PARP11: variants seen among roughly 807,000 people sequenced by gnomAD.
PARP11 encodes the protein poly(ADP-ribose) polymerase family member 11, also known as protein mono-ADP-ribosyltransferase PARP11.
A neutral mutation model predicts 42.9 loss-of-function variants in PARP11; 31 were observed. The observed-to-expected ratio is 0.72, with a 90% CI of 0.54 to 0.98. PARP11 has a LOEUF of 0.98. Among genes scored for constraint, PARP11 ranks in the 50% least tolerant of loss-of-function variants. The pLI is 0.00. For synonymous variants in PARP11, 137 were observed against 127.3 expected (o/e 1.08, Z -0.51); for missense variants, 365 against 413.1 (o/e 0.88, Z 1.01).
intron 1 of PARP11, among the ~76,000 whole-genome samples, chr12:3,851,751 G>C (rs1327902323): frequency 6.6e-6 from 1 of 152,224 alleles, no homozygotes; most frequent in Non-Finnish European, 1.5e-5. Flanking sequence ...GCTCAGAAGA[G>C]AGCAGTGGTT....
At chr12:3,869,904 A>G (rs1228971635) in intron 1 of PARP11, among the ~76,000 whole-genome samples, 1 of 152,212 alleles carries the variant, frequency 6.6e-6, no homozygotes, top group Non-Finnish European at 1.5e-5. Context: ...TGCTCAATAA[A>G]TAAGTGAGTG....
chr12:3,830,274 A>T (rs910266817), intron 1 of PARP11, among the ~76,000 whole-genome samples: 1 of 152,188 alleles, frequency 6.6e-6, no homozygotes, highest in African/African-American at 2.4e-5. Context: ...CCATTTAAGT[A>T]AGCTATATCA....
chr12:3,847,010 A>G (rs937425454), intron 1 of PARP11, among the ~76,000 whole-genome samples: 1 of 149,882 alleles, frequency 6.7e-6, no homozygotes, highest in African/African-American at 2.5e-5. Context: ...TCTGGCAGTT[A>G]AAGCTACAGT....
chr12:3,825,666 G>C (rs1325213986), intron 4 of PARP11, among the ~76,000 whole-genome samples: 2 of 152,134 alleles, frequency 1.3e-5, no homozygotes, highest in African/African-American at 2.4e-5. Context: ...GAAGCACTTA[G>C]AGTAAATAAT....
At chr12:3,842,199 G>T in intron 1 of PARP11, 1 of 1,608,146 alleles carries the variant, frequency 6.2e-7, no homozygotes, top group Non-Finnish European at 8.5e-7. Flanking sequence ...CAGCCCTGGG[G>T]CCAACTCTGT....
chr12:3,871,230 G>A (rs1181837450), intron 1 of PARP11, among the ~76,000 whole-genome samples: 1 of 152,136 alleles, frequency 6.6e-6, no homozygotes, highest in East Asian at 1.9e-4. Context: ...GGAAATTAGG[G>A]GTTATTAAAG....
At chr12:3,837,710 C>A (rs1947797068) in intron 1 of PARP11, among the ~76,000 whole-genome samples, 1 of 149,282 alleles carries the variant, frequency 6.7e-6, no homozygotes, top group Non-Finnish European at 1.5e-5. Context: ...CTACAAGAAA[C>A]CGACCTCACC....
chr12:3,815,705 G>A (rs1452744754), intron 6 of PARP11, among the ~76,000 whole-genome samples: 1 of 152,046 alleles, frequency 6.6e-6, no homozygotes, highest in Non-Finnish European at 1.5e-5. Flanking sequence ...GTGTGTAGTC[G>A]GTTAAAACTC....
chr12:3,872,865 G>A, intron 1 of PARP11: 1 of 931,344 alleles, frequency 1.1e-6, no homozygotes, highest in Non-Finnish European at 1.3e-6. Context: ...GACGGAGGTT[G>A]CGGTGGGCCG....
At chr12:3,870,002 C>T (rs1371302569) in intron 1 of PARP11, among the ~76,000 whole-genome samples, 1 of 152,108 alleles carries the variant, frequency 6.6e-6, no homozygotes, top group African/African-American at 2.4e-5. Context: ...TGGCCCCAGG[C>T]AGGATGGAGC....
At chr12:3,835,856 AAG>A (rs1947750645) in intron 1 of PARP11, among the ~76,000 whole-genome samples, 1 of 152,172 alleles carries the variant, frequency 6.6e-6, no homozygotes, top group Non-Finnish European at 1.5e-5. Flanking sequence ...CAAGAAAGGA[AAG>A]AAAAAATTGC....
At chr12:3,819,452 T>A (rs1947351831) in intron 6 of PARP11, among the ~76,000 whole-genome samples, 1 of 152,178 alleles carries the variant, frequency 6.6e-6, no homozygotes, top group African/African-American at 2.4e-5. Context: ...ATGTTTAGCA[T>A]CCTGGCTTCT....
At chr12:3,843,151 A>G (rs1947928858) in intron 1 of PARP11, among the ~76,000 whole-genome samples, 1 of 152,212 alleles carries the variant, frequency 6.6e-6, no homozygotes, top group Non-Finnish European at 1.5e-5. Flanking sequence ...AATGTTGTAT[A>G]TAGTTCTTTT....
At chr12:3,819,046 C>G (rs2159606) in intron 6 of PARP11, among the ~76,000 whole-genome samples, 144,495 of 152,260 alleles carry the variant, frequency 0.95, 68,604 homozygotes, top group Middle Eastern at 0.96. Context: ...CCACTCTTCT[C>G]AACTCCTGAC....
chr12:3,847,177 T>C (rs1216272733), intron 1 of PARP11, among the ~76,000 whole-genome samples: 1 of 152,208 alleles, frequency 6.6e-6, no homozygotes, highest in Non-Finnish European at 1.5e-5. Flanking sequence ...ATTGAAGCTG[T>C]AATTATGTCT....
At chr12:3,858,413 C>T (rs377472481) in intron 1 of PARP11, among the ~76,000 whole-genome samples, 4 of 152,226 alleles carry the variant, frequency 2.6e-5, no homozygotes, top group African/African-American at 9.6e-5. Context: ...GCATTCATAC[C>T]AAACAAGAAT....
chr12:3,831,214 C>T (rs140210586), intron 1 of PARP11, among the ~76,000 whole-genome samples: 30 of 152,190 alleles, frequency 2.0e-4, no homozygotes, highest in Non-Finnish European at 3.8e-4. Context: ...CAGGGTTAGC[C>T]AATGCTATAA....
At chr12:3,830,085 C>A (rs1382083905) in intron 1 of PARP11, 67 bp from the exon 2 acceptor site, 1 of 1,430,798 alleles carries the variant, frequency 7.0e-7, no homozygotes, top group African/African-American at 1.4e-5. Context: ...TTTTACAGAT[C>A]ATTTTACTTC....
chr12:3,822,322 G>T (rs1947412468), intron 4 of PARP11, among the ~76,000 whole-genome samples, 165 bp from the exon 5 acceptor site: 2 of 152,084 alleles, frequency 1.3e-5, no homozygotes, highest in South Asian at 4.1e-4. Context: ...CTGTCGGCCG[G>T]GCGCGGTGGC....
Sources: gnomAD v4.1 joint callset for allele counts (sites outside exome capture counted in the v4.1 genomes callset) on GRCh38, gnomAD v4.1.1 for gene constraint, MANE v1.5 for transcripts, NCBI Gene and HGNC (gene_info 2026-07-23, HGNC 2026-07-21) for gene names.